Variants in IGF2BP3 observed in about 807,000 individuals in gnomAD.
The protein encoded by IGF2BP3 is insulin-like growth factor 2 mRNA-binding protein 3.
Under a neutral mutation model 73.8 loss-of-function variants are expected in IGF2BP3, and 9 were observed. The observed-to-expected ratio is 0.12, with a 90% confidence interval of 0.07 to 0.21. The LOEUF is 0.21. IGF2BP3 is among the 10% of genes least tolerant of loss of function. The pLI is 1.00. For synonymous variants in IGF2BP3, 258 were observed against 256.7 expected (o/e 1.01, Z -0.05); for missense variants, 542 against 714.0 (o/e 0.76, Z 2.75).
At chr7:23,322,650 A>G (rs1232697483) in intron 10 of IGF2BP3, among the ~76,000 whole-genome samples, 1 of 152,150 alleles carries the variant, frequency 6.6e-6, no homozygotes, top group Non-Finnish European at 1.5e-5. Flanking sequence ...TGAAGGAAAA[A>G]ATGTTAAGGG....
At chr7:23,447,976 T>TA (rs1189930467) in intron 2 of IGF2BP3, among the ~76,000 whole-genome samples, 1 of 152,118 alleles carries the variant, frequency 6.6e-6, no homozygotes, top group African/African-American at 2.4e-5. Flanking sequence ...CAAGACTGGC[T>TA]AAAAAATAAA....
intron 10 of IGF2BP3, among the ~76,000 whole-genome samples, chr7:23,331,915 G>T (rs1350076792): frequency 6.6e-6 from 1 of 151,910 alleles, no homozygotes; most frequent in Non-Finnish European, 1.5e-5. Context: ...GGCTGGGCAG[G>T]CCTCAAAAAA....
chr7:23,355,262 C>G (rs1785066189), intron 5 of IGF2BP3, among the ~76,000 whole-genome samples: 1 of 148,778 alleles, frequency 6.7e-6, no homozygotes, highest in Non-Finnish European at 1.5e-5. Flanking sequence ...CACTTTTTTG[C>G]CCAGGCTGGA....
At chr7:23,460,277 C>T (rs1316044712) in intron 2 of IGF2BP3, among the ~76,000 whole-genome samples, 13 of 151,484 alleles carry the variant, frequency 8.6e-5, no homozygotes. Context: ...GCGGTAGTCC[C>T]AGCACTTTGG....
At chr7:23,386,846 C>T (rs577881487) in intron 3 of IGF2BP3, among the ~76,000 whole-genome samples, 3 of 152,262 alleles carry the variant, frequency 2.0e-5, no homozygotes, top group South Asian at 2.1e-4. Flanking sequence ...GCAGGTGGAT[C>T]ACCTGAGGTC....
intron 3 of IGF2BP3, among the ~76,000 whole-genome samples, chr7:23,380,621 TG>T (rs1785879700): frequency 6.6e-6 from 1 of 152,232 alleles, no homozygotes; most frequent in African/African-American, 2.4e-5. Flanking sequence ...ACACAATCCC[TG>T]ATCACCCCAG....
chr7:23,401,770 A>G (rs533343205), intron 3 of IGF2BP3, among the ~76,000 whole-genome samples: 52 of 143,564 alleles, frequency 3.6e-4, no homozygotes, highest in Admixed American at 2.2e-3. Context: ...TCTCCAAAAA[A>G]AAAGTCACTG....
At chr7:23,387,696 C>A (rs1011692407) in intron 3 of IGF2BP3, among the ~76,000 whole-genome samples, 5 of 152,132 alleles carry the variant, frequency 3.3e-5, no homozygotes, top group African/African-American at 9.7e-5. Context: ...TGAAAACCTG[C>A]TACAATACCC....
intron 2 of IGF2BP3, among the ~76,000 whole-genome samples, chr7:23,420,966 C>T (rs1293330972): frequency 6.6e-6 from 1 of 152,162 alleles, no homozygotes; most frequent in Admixed American, 6.5e-5. Flanking sequence ...GTTAAAGCTT[C>T]AGGACAGGTA....
intron 2 of IGF2BP3, among the ~76,000 whole-genome samples, chr7:23,436,105 G>A (rs1161423159): frequency 4.6e-5 from 7 of 152,030 alleles, no homozygotes; most frequent in Admixed American, 1.3e-4. Flanking sequence ...AAAGGAGGAG[G>A]GAATCCTTGA....
In IGF2BP3 at chr7:23,369,740, T is replaced by C. The variant is rs146290444; in HGVS notation, c.286-7999A>G. 5.5e-3 allele frequency among the ~76,000 whole-genome samples: 830 copies of C among 152,168 alleles called. 8 individuals are homozygous for C. Among genetic ancestry groups the C allele is most frequent in the African/African-American group, 0.018 (767 of 41,508 alleles). ...CTGCAATAAAGACAGTTTAAAAAACTGTCTTTGACCTGCAACGTGATCAGA... is the reference window on the plus strand; with the variant it reads ...CTGCAATAAAGACAGTTTAAAAAACCGTCTTTGACCTGCAACGTGATCAGA... On this transcript the variant is annotated intron_variant, in intron 3 of 14. Coordinates refer to ENST00000258729, the MANE Select transcript of IGF2BP3 (RefSeq NM_006547.3).
At chr7:23,449,966 A>C (rs1411861112) in intron 2 of IGF2BP3, among the ~76,000 whole-genome samples, 1 of 152,084 alleles carries the variant, frequency 6.6e-6, no homozygotes, top group Non-Finnish European at 1.5e-5. Context: ...AGAAGTTAAG[A>C]CTATTTTCCT....
chr7:23,439,447 T>C (rs1439664527), intron 2 of IGF2BP3, among the ~76,000 whole-genome samples: 3 of 147,360 alleles, frequency 2.0e-5, no homozygotes, highest in Non-Finnish European at 4.4e-5. Flanking sequence ...TAGTCCCAGC[T>C]ACTTGGGAGG....
intron 10 of IGF2BP3, among the ~76,000 whole-genome samples, chr7:23,338,784 G>C (rs1583905148): frequency 6.6e-6 from 1 of 152,070 alleles, no homozygotes; most frequent in South Asian, 2.1e-4. Flanking sequence ...TCCCCTTAAG[G>C]CAGGGAATAA....
intron 2 of IGF2BP3, among the ~76,000 whole-genome samples, chr7:23,435,470 T>C (rs1306770394): frequency 2.0e-5 from 3 of 151,754 alleles, no homozygotes; most frequent in South Asian, 4.2e-4. Context: ...TTTCTTTTCT[T>C]TGAGACGGAG....
chr7:23,380,385 G>A (rs563083218), intron 3 of IGF2BP3, among the ~76,000 whole-genome samples: 219 of 151,994 alleles, frequency 1.4e-3, no homozygotes, highest in Non-Finnish European at 1.8e-3. Context: ...GGATGGTCTC[G>A]ATCTCCTGAC....
intron 5 of IGF2BP3, among the ~76,000 whole-genome samples, chr7:23,351,817 A>G (rs572374693): frequency 6.6e-6 from 1 of 152,276 alleles, no homozygotes; most frequent in Non-Finnish European, 1.5e-5. Context: ...GAAAAAGACC[A>G]CAAGTTTCCA....
intron 2 of IGF2BP3, among the ~76,000 whole-genome samples, chr7:23,432,126 G>A (rs1787698158): frequency 1.3e-5 from 2 of 152,142 alleles, no homozygotes; most frequent in African/African-American, 4.8e-5. Flanking sequence ...CTAAAACAGA[G>A]GTATATTTTA....
intron 8 of IGF2BP3, among the ~76,000 whole-genome samples, chr7:23,344,768 G>A (rs1320011164): frequency 6.6e-6 from 1 of 152,206 alleles, no homozygotes; most frequent in Non-Finnish European, 1.5e-5. Flanking sequence ...AGATGAATGG[G>A]AAGTTATTCC....
Sources: allele counts gnomAD v4.1 joint callset (sites outside exome capture counted in the v4.1 genomes callset), GRCh38; gene constraint gnomAD v4.1.1; transcripts MANE v1.5; gene names NCBI Gene and HGNC (gene_info 2026-07-23, HGNC 2026-07-21).